SPOCK2: variants seen among roughly 807,000 people sequenced by gnomAD.
The protein encoded by SPOCK2 is testican-2.
In SPOCK2, 39 loss-of-function variants were observed where a neutral mutation model predicts 60.1. The observed-to-expected ratio is 0.65, with a 90% CI of 0.50 to 0.85. SPOCK2 has a LOEUF of 0.85. Ranked by LOEUF, SPOCK2 falls within the 40% of genes least tolerant of loss-of-function variation. The pLI, the probability that SPOCK2 is intolerant of heterozygous loss-of-function variation, is 0.00. For synonymous variants in SPOCK2, 217 were observed against 231.5 expected, an observed-to-expected ratio of 0.94 and a Z score of 0.57; for missense variants, 523 against 567.4, an observed-to-expected ratio of 0.92 and a Z score of 0.80.
intron 1 of SPOCK2, among the ~76,000 whole-genome samples, chr10:72,077,792 C>T (rs78192290): frequency 0.054 from 8,157 of 152,190 alleles, 762 homozygotes; most frequent in African/African-American, 0.19. Context: ...GCACGCTTAC[C>T]GTGCCACCCT....
At chr10:72,085,895 T>C (rs1840848796) in intron 1 of SPOCK2, among the ~76,000 whole-genome samples, 1 of 152,222 alleles carries the variant, frequency 6.6e-6, no homozygotes, top group Non-Finnish European at 1.5e-5. Context: ...TTTGTAGTGC[T>C]GGTGGGGACC....
chr10:72,072,213 C>A lies in SPOCK2; in HGVS notation c.290G>T (p.Arg97Leu), dbSNP rs186824562. Residue 97 changes from arginine (R) to leucine (L), a missense_variant, in exon 4 of 11, where the codon CGC (arginine) becomes CTC (leucine). By Grantham distance (102) the Arg-to-Leu change is moderately radical. Transcript: ENST00000373109. ...GCCCTGGGCAATGCACACCTTGTGG[C>A]GGCTGCACTTCACCTTCTGGCAGGG... ...KDPCQKVKCSRHKVCIAQGYQ... is the reference protein window; with the variant it reads ...KDPCQKVKCSLHKVCIAQGYQ... The A allele has an allele frequency of 2.1e-5, 32 of 1,552,574 alleles. No homozygotes were observed. Among genetic ancestry groups the A allele is most frequent in the African/African-American group, 6.8e-5 (5 of 73,274 alleles).
intron 8 of SPOCK2, 105 bp downstream of exon 8, chr10:72,066,797 G>A (rs1327626233): frequency 4.6e-6 from 6 of 1,306,910 alleles, no homozygotes; most frequent in African/African-American, 1.5e-5. Context: ...GCTGGGCCTG[G>A]GGACGTAGCC....
intron 3 of SPOCK2, 36 bp from the exon 4 acceptor site, chr10:72,072,294 G>A: frequency 1.3e-6 from 2 of 1,484,228 alleles, no homozygotes; most frequent in South Asian, 1.4e-5. Context: ...AGGTCACCTG[G>A]GAGAACCCAG....
Position 72,080,717 on chromosome 10 carries a change from G to T in SPOCK2, c.189+7423C>A, listed in dbSNP as rs572479875. ...GGCCTGGATAAACAGAAGGAGACAG[G>T]CATCTAGAAGACTCTGGCCTCCCAC... is the stretch of plus-strand genomic sequence containing the variant. On this transcript the variant is annotated intron_variant, in intron 1 of 10. Coordinates refer to ENST00000373109, the MANE Select transcript of SPOCK2 (RefSeq NM_001244950.2). Among the ~76,000 whole-genome samples the T allele has an allele frequency of 3.3e-5, 5 of 152,248 alleles. No homozygotes were observed. In the East Asian group the frequency reaches 9.7e-4, roughly 29 times the overall value.
At chr10:72,066,346 T>G (rs536729361) in intron 8 of SPOCK2, among the ~76,000 whole-genome samples, 1 of 133,132 alleles carries the variant, frequency 7.5e-6, no homozygotes. Context: ...TCTTTCCTTC[T>G]TTTTTTTTTT....
intron 1 of SPOCK2, among the ~76,000 whole-genome samples, chr10:72,085,901 G>A (rs1840848960): frequency 6.6e-6 from 1 of 152,200 alleles, no homozygotes; most frequent in Non-Finnish European, 1.5e-5. Context: ...GTGCTGGTGG[G>A]GACCCTGTGT....
At position 72,059,627 on chromosome 10, in the gene SPOCK2, C is replaced by G. The variant is rs985110788; in HGVS notation, c.*3133G>C. On this transcript the variant is annotated 3_prime_UTR_variant, in exon 11 of 11. Coordinates refer to ENST00000373109, the MANE Select transcript of SPOCK2 (RefSeq NM_001244950.2). ...CCCGTGTTGATGCCAACGGACCCCACCCCCTCCAAAGTGAAGTTGGAAGCA... is the reference window on the plus strand; with the variant it reads ...CCCGTGTTGATGCCAACGGACCCCAGCCCCTCCAAAGTGAAGTTGGAAGCA... The G allele has an allele frequency of 6.5e-6, 1 of 152,722 alleles. No homozygotes were observed. The highest frequency in any genetic ancestry group is 2.1e-4 in the South Asian group (1 of 4,820). The allele number at this position is 152,722 out of a possible 1,614,324, so 9.5% of individuals were successfully genotyped here.
intron 1 of SPOCK2, 33 bp downstream of exon 1, chr10:72,088,107 C>G (rs768882847): frequency 3.1e-6 from 5 of 1,606,470 alleles, no homozygotes; most frequent in Non-Finnish European, 8.5e-7. Flanking sequence ...CCCGCAACCC[C>G]GGGTCTCTGC....
intron 1 of SPOCK2, chr10:72,086,496 G>T: frequency 9.3e-7 from 1 of 1,073,164 alleles, no homozygotes; most frequent in Non-Finnish European, 1.1e-6. Flanking sequence ...GCGAGTCGGA[G>T]GGAGGCCTAG....
At chr10:72,080,429 G>C (rs1199856173) in intron 1 of SPOCK2, among the ~76,000 whole-genome samples, 1 of 152,198 alleles carries the variant, frequency 6.6e-6, no homozygotes, top group Non-Finnish European at 1.5e-5. Context: ...AGAGAAGCTT[G>C]CCTCTGTGGC....
intron 1 of SPOCK2, among the ~76,000 whole-genome samples, chr10:72,085,272 T>TC (rs1256635016): frequency 1.3e-5 from 2 of 151,708 alleles, no homozygotes; most frequent in African/African-American, 4.8e-5. Context: ...GTCCACAATC[T>TC]CCCCCGTCTT....
chr10:72,072,479 C>T (rs756384068), intron 3 of SPOCK2, 24 bp downstream of exon 3: 13 of 1,613,694 alleles, frequency 8.1e-6, no homozygotes, highest in African/African-American at 2.7e-5. Flanking sequence ...CAGTCACCTT[C>T]CCCCGCCGGG....
At chr10:72,086,777 C>A in intron 1 of SPOCK2, 1 of 1,484,726 alleles carries the variant, frequency 6.7e-7, no homozygotes, top group South Asian at 1.3e-5. Flanking sequence ...TGAATTACAA[C>A]CTGCCAGTTT....
intron 1 of SPOCK2, among the ~76,000 whole-genome samples, chr10:72,083,031 T>C (rs1271695785): frequency 6.6e-6 from 1 of 152,090 alleles, no homozygotes; most frequent in Admixed American, 6.6e-5. Context: ...TCTCTGTTGT[T>C]TAAGCCACCC....
chr10:72,067,801 A>T, intron 6 of SPOCK2, 69 bp from the exon 7 acceptor site: 1 of 1,566,390 alleles, frequency 6.4e-7, no homozygotes, highest in Non-Finnish European at 8.6e-7. Context: ...TCAGTCTGGG[A>T]TCCTGCCCTA....
At position 72,085,335 on chromosome 10, in the gene SPOCK2, C is replaced by G. The variant is rs183977109; in HGVS notation, c.189+2805G>C. ...CCGGGCACCCAGCATTAGAAGAGAT[C>G]GACCCAGGCACAGGCTGTAAGAGCC... is the stretch of plus-strand genomic sequence containing the variant. On this transcript the variant is annotated intron_variant, in intron 1 of 10. Transcript: ENST00000373109. 2.0e-5 allele frequency among the ~76,000 whole-genome samples: 3 copies of G among 152,272 alleles called. No homozygotes were observed. The South Asian group carries it at 6.2e-4, about 32-fold the overall frequency.
intron 9 of SPOCK2, 118 bp downstream of exon 9, chr10:72,064,060 A>G: frequency 7.5e-7 from 1 of 1,330,600 alleles, no homozygotes. Flanking sequence ...TTCCTAGGCC[A>G]GGGCCTCCTC....
chr10:72,059,440 G>C lies in SPOCK2; in HGVS notation c.*3320C>G, dbSNP rs910818554. On this transcript the variant is annotated 3_prime_UTR_variant, in exon 11 of 11. Coordinates refer to ENST00000373109, the MANE Select transcript of SPOCK2 (RefSeq NM_001244950.2). ...CAGGCTTCAGGCTGGAAAGCAGTTT[G>C]CTCTGCTGGGAACTTCCTCGGGATG... 6.6e-6 allele frequency: 1 copy of C among 152,252 alleles called. No homozygotes were observed. Among genetic ancestry groups the C allele is most frequent in the African/African-American group, 2.4e-5 (1 of 41,458 alleles). The allele number at this position is 152,252 out of a possible 1,614,324, so 9.4% of individuals were successfully genotyped here. A position where few individuals can be genotyped will look rare whatever the true frequency, so the allele number is the denominator to read the frequency against.
Sources: gnomAD v4.1 joint callset for allele counts (sites outside exome capture counted in the v4.1 genomes callset) on GRCh38, gnomAD v4.1.1 for gene constraint, MANE v1.5 for transcripts, NCBI Gene and HGNC (gene_info 2026-07-23, HGNC 2026-07-21) for gene names.